Variants in EIF3A observed in about 807,000 individuals in gnomAD.
The protein encoded by EIF3A is eukaryotic translation initiation factor 3 subunit A.
A neutral mutation model predicts 186.6 loss-of-function variants in EIF3A; 21 were observed. The ratio of observed to expected loss-of-function variants is 0.11; its 90% CI spans 0.08 to 0.16. The LOEUF (loss-of-function observed/expected upper bound fraction) is 0.16. Among genes scored for constraint, EIF3A ranks in the 10% least tolerant of loss-of-function variants. The pLI, the probability that EIF3A is intolerant of heterozygous loss-of-function variation, is 1.00. For synonymous variants in EIF3A, 563 were observed against 584.3 expected, an observed-to-expected ratio of 0.96 and a Z score of 0.52; for missense variants, 1,306 against 1,796.3, an observed-to-expected ratio of 0.73 and a Z score of 4.93.
At chr10:119,069,831 C>A (rs901689666) in intron 5 of EIF3A, among the ~76,000 whole-genome samples, 177 bp from the exon 6 acceptor site, 2 of 151,940 alleles carry the variant, frequency 1.3e-5, no homozygotes, top group African/African-American at 4.9e-5. Flanking sequence ...TACAAAAACA[C>A]TAACTCCTTA....
Position 119,050,625 on chromosome 10 carries a change from C to T in EIF3A, c.2369G>A (p.Arg790Gln), listed in dbSNP as rs772554138. Residue 790 changes from arginine to glutamine, a missense_variant, in exon 16 of 22, where the codon CGA becomes CAA. Transcript: ENST00000369144. ...EERLAEERHN[R>Q]LEERKRQRKE... ...ACGCTGCCTTTTCCGTTCTTCCAATCGATTATGCCTTTCTTCTGCTAATCG... is the reference window on the plus strand; with the variant it reads ...ACGCTGCCTTTTCCGTTCTTCCAATTGATTATGCCTTTCTTCTGCTAATCG... The T allele has an allele frequency of 1.1e-5, 17 of 1,613,944 alleles. No homozygotes were observed. The highest frequency in any genetic ancestry group is 8.3e-5 in the Admixed American group (5 of 59,980).
intron 6 of EIF3A, among the ~76,000 whole-genome samples, chr10:119,066,624 G>C (rs890631908): frequency 2.0e-5 from 3 of 149,330 alleles, no homozygotes; most frequent in Non-Finnish European, 4.4e-5. Context: ...GAGAGGGGGA[G>C]ACAAGAACCA....
rs184320080 is a variant in EIF3A at position 119,052,027 on chromosome 10, T to C, written c.2197-706A>G. 1.8e-3 allele frequency among the ~76,000 whole-genome samples: 277 copies of C among 152,302 alleles called. 1 individual carries two copies. The highest frequency in any genetic ancestry group is 5.7e-3 in the African/African-American group (239 of 41,574). ...ACTAAAGGATGGGGTGACTATGGTA[T>C]AATTTCTTAAAATAGGTAACAATGA... On this transcript the variant is annotated intron_variant, in intron 14 of 21. Coordinates refer to ENST00000369144, the MANE Select transcript of EIF3A (RefSeq NM_003750.4).
At chr10:119,060,682 CCA>C in intron 9 of EIF3A, 62 bp downstream of exon 9, 1 of 1,285,694 alleles carries the variant, frequency 7.8e-7, no homozygotes, top group African/African-American at 1.5e-5. Context: ...CTAGATTTTT[CCA>C]GTTTTTAGTT....
At chr10:119,036,297 T>G in intron 21 of EIF3A, 29 bp from the exon 22 acceptor site, 1 of 1,420,356 alleles carries the variant, frequency 7.0e-7, no homozygotes, top group South Asian at 1.2e-5. Flanking sequence ...AAAAAAAAAT[T>G]AAGTTAGTAC....
intron 1 of EIF3A, among the ~76,000 whole-genome samples, chr10:119,076,937 C>CAAAAA (rs71016536): frequency 8.1e-6 from 1 of 123,474 alleles, no homozygotes; most frequent in Admixed American, 8.4e-5. Flanking sequence ...GACTCTGTCT[C>CAAAAA]AAAAAAAAAA....
Position 119,037,063 on chromosome 10 carries a change from C to G in EIF3A, c.3919+56G>C, listed in dbSNP as rs113193938. 3,755 of 628,122 alleles carry G rather than the reference C, an allele frequency of 6.0e-3. 315 individuals carry two copies. The African/African-American group carries it at 0.064, about 11-fold the overall frequency. 38.9% of individuals were successfully genotyped at this position (628,122 alleles called of 1,614,324 possible). On this transcript the variant is annotated intron_variant, in intron 21 of 21. Coordinates refer to ENST00000369144, the MANE Select transcript of EIF3A (RefSeq NM_003750.4). ...TGATATAATTAAATAACCCAAATCC[C>G]CCCCCCCCCAGAAACGACAGTTCTC...
chr10:119,045,592 C>A (rs910549356), intron 17 of EIF3A, among the ~76,000 whole-genome samples: 1 of 152,214 alleles, frequency 6.6e-6, no homozygotes, highest in African/African-American at 2.4e-5. Context: ...ACTATTACAA[C>A]CTCCAAAGAC....
chr10:119,044,220 A>G, intron 17 of EIF3A, 78 bp from the exon 18 acceptor site: 1 of 980,714 alleles, frequency 1.0e-6, no homozygotes, highest in South Asian at 1.4e-5. Flanking sequence ...CCATTCAAAT[A>G]TTTTTTGTAC....
chr10:119,058,226 C>G lies in EIF3A; in HGVS notation c.1707G>C (p.Leu569=). 6.2e-7 allele frequency: 1 copy of G among 1,613,468 alleles called. No individual in the cohort carries two copies. The highest frequency in any genetic ancestry group is 8.5e-7 in the Non-Finnish European group (1 of 1,179,820). ...TCTCCTCAATTGTCTGGCGGCGAGC[C>G]AGGATCCGCTGGTGCTCTTTTCGTG... ...KNSRKEHQRI[L]ARRQTIEERK... Residue 569 remains leucine (L), a synonymous_variant, in exon 12 of 22, where the codon CTG becomes CTC. Coordinates refer to ENST00000369144, the MANE Select transcript of EIF3A (RefSeq NM_003750.4).
intron 11 of EIF3A, 21 bp downstream of exon 11, chr10:119,059,190 AT>A (rs1843840676): frequency 6.2e-7 from 1 of 1,604,438 alleles, no homozygotes; most frequent in African/African-American, 1.3e-5. Flanking sequence ...TCTGGGATTT[AT>A]TTCCCCGGGA....
intron 14 of EIF3A, among the ~76,000 whole-genome samples, chr10:119,051,587 T>TA (rs1848357353): frequency 6.6e-6 from 1 of 152,180 alleles, no homozygotes; most frequent in Admixed American, 6.5e-5. Context: ...AAGGAAAAAT[T>TA]ATGATACACG....
chr10:119,059,868 C>A, intron 9 of EIF3A, 150 bp from the exon 10 acceptor site: 7 of 666,356 alleles, frequency 1.1e-5, no homozygotes, highest in Middle Eastern at 4.1e-4. Context: ...AATCCCAGAC[C>A]ATCGACTCTA....
intron 6 of EIF3A, among the ~76,000 whole-genome samples, chr10:119,066,549 G>T (rs1192042476): frequency 7.4e-6 from 1 of 134,330 alleles, no homozygotes; most frequent in Non-Finnish European, 1.6e-5. Context: ...ACCTAAGGAA[G>T]TAAGTGGCAA....
intron 1 of EIF3A, among the ~76,000 whole-genome samples, chr10:119,075,879 A>ATTTTTTTTT (rs58100835): frequency 2.6e-4 from 24 of 94,060 alleles, no homozygotes; most frequent in Non-Finnish European, 3.2e-4. Context: ...CGCCTGGCTA[A>ATTTTTTTTT]TTTTTTTTTT....
chr10:119,076,230 G>A (rs1231120734), intron 1 of EIF3A, among the ~76,000 whole-genome samples: 1 of 150,856 alleles, frequency 6.6e-6, no homozygotes, highest in Admixed American at 6.6e-5. Flanking sequence ...CTACTTGGGA[G>A]GCTGAGGCAA....
At chr10:119,068,137 C>T (rs1844009186) in intron 6 of EIF3A, among the ~76,000 whole-genome samples, 1 of 151,712 alleles carries the variant, frequency 6.6e-6, no homozygotes, top group African/African-American at 2.4e-5. Flanking sequence ...TTTTAAGTGA[C>T]AGAAAACAGG....
intron 6 of EIF3A, among the ~76,000 whole-genome samples, chr10:119,065,949 T>TA (rs2119819832): frequency 1.3e-5 from 2 of 152,010 alleles, no homozygotes; most frequent in South Asian, 4.2e-4. Context: ...ACCCCATCTC[T>TA]ACTAAAAATA....
rs375163326 is a variant in EIF3A at position 119,042,504 on chromosome 10, T to C, written c.3016A>G (p.Arg1006Gly). 47 of 1,614,052 alleles carry C rather than the reference T, an allele frequency of 2.9e-5. No individual in the cohort carries two copies. Among genetic ancestry groups the C allele is most frequent in the Admixed American group, 8.3e-5 (5 of 59,998 alleles). The stretch of plus-strand genomic sequence containing the variant: ...TCATCCGCATGACGCCAGTTTCCCC[T>C]GTCTTCATCGGCAATTCGTCTGGGA... Reference protein sequence around the residue: ...RPPRRIADEDRGNWRHADDDR... With the variant: ...RPPRRIADEDGGNWRHADDDR... The change falls in exon 19 of 22, where the codon AGG becomes GGG. Residue 1006 changes from arginine (R) to glycine (G), a missense_variant. Around this residue, in one of 8 missense-constraint regions of EIF3A, gnomAD observed 410 missense variants for 473.5 expected, o/e 0.87. Coordinates refer to ENST00000369144, the MANE Select transcript of EIF3A (RefSeq NM_003750.4). The surrounding 1 kb of genome is among the most constrained non-coding windows in gnomAD (Gnocchi z 7.8).
Sources: allele counts gnomAD v4.1 joint callset (sites outside exome capture counted in the v4.1 genomes callset), GRCh38; gene constraint gnomAD v4.1.1; regional missense constraint gnomAD v4.1.1; non-coding constraint Gnocchi (gnomAD v3.1); transcripts MANE v1.5; gene names NCBI Gene and HGNC (gene_info 2026-07-23, HGNC 2026-07-21).